Variants in FAM220A observed in about 807,000 individuals in gnomAD.
FAM220A encodes family with sequence similarity 220 member A, also known as protein FAM220A.
For synonymous variants in FAM220A, 141 were observed against 130.7 expected (o/e 1.08, Z -0.54); for missense variants, 392 against 321.6 (o/e 1.22, Z -1.68).
chr7:6,332,465 C>A (rs1419825206), intron 1 of FAM220A, among the ~76,000 whole-genome samples: 5 of 152,124 alleles, frequency 3.3e-5, no homozygotes, highest in Admixed American at 2.0e-4. Context: ...CATATTAGTT[C>A]CCTTATTAAT....
rs951493592 is a variant in FAM220A at position 6,348,884 on chromosome 7, G to A, written c.-393C>T. The A allele has an allele frequency of 2.6e-6, 1 of 388,506 alleles. No homozygotes were observed. The allele number at this position is 388,506 out of a possible 1,614,324, so 24.1% of individuals were successfully genotyped here. A position where few individuals can be genotyped will look rare whatever the true frequency, so the allele number is the denominator to read the frequency against. On this transcript the variant is annotated 5_prime_UTR_variant, in exon 1 of 2. Transcript: ENST00000313324. ...GGCGGCTAGACCGGCGGGCGGGCGGGCCGCAGTGGAGCGGAGTCCGCACGT... is the reference window on the plus strand; with the variant it reads ...GGCGGCTAGACCGGCGGGCGGGCGGACCGCAGTGGAGCGGAGTCCGCACGT...
chr7:6,343,152 G>C (rs1781895231), intron 1 of FAM220A, among the ~76,000 whole-genome samples: 1 of 151,600 alleles, frequency 6.6e-6, no homozygotes, highest in Admixed American at 6.6e-5. Flanking sequence ...CGAGGAGGGT[G>C]GATCCCCTGA....
chr7:6,341,205 G>T (rs1583240392), intron 1 of FAM220A, among the ~76,000 whole-genome samples: 1 of 151,162 alleles, frequency 6.6e-6, no homozygotes, highest in East Asian at 2.0e-4. Flanking sequence ...AGCACTTTGG[G>T]AGGCCAAGGA....
intron 1 of FAM220A, among the ~76,000 whole-genome samples, chr7:6,344,513 T>A (rs1583241949): frequency 6.6e-6 from 1 of 151,984 alleles, no homozygotes; most frequent in East Asian, 1.9e-4. Context: ...TCCTCGACCT[T>A]CTGGCCTCAA....
chr7:6,348,621 G>A lies in FAM220A; in HGVS notation c.-130C>T, dbSNP rs762868263. On this transcript the variant is annotated 5_prime_UTR_variant, in exon 1 of 2. Coordinates refer to ENST00000313324, the MANE Select transcript of FAM220A (RefSeq NM_001037163.2). ...TGGAAGCCACGATGTAGAGGTAGGG[G>A]AAGTTGATACGCAGCCGCCAGGCCA... 19 of 494,838 alleles carry A rather than the reference G, an allele frequency of 3.8e-5. No homozygotes were observed. Among genetic ancestry groups the A allele is most frequent in the Non-Finnish European group, 6.2e-5 (17 of 274,808 alleles). 30.7% of individuals were successfully genotyped at this position (494,838 alleles called of 1,614,324 possible). A position where few individuals can be genotyped will look rare whatever the true frequency, so the allele number is the denominator to read the frequency against.
intron 1 of FAM220A, among the ~76,000 whole-genome samples, chr7:6,340,211 T>C (rs1339154746): frequency 6.6e-6 from 1 of 152,140 alleles, no homozygotes; most frequent in Non-Finnish European, 1.5e-5. Flanking sequence ...GAAGATTCGA[T>C]GTATGAGAAG....
intron 1 of FAM220A, among the ~76,000 whole-genome samples, chr7:6,343,397 CATATAT>C (rs10529573): frequency 0.071 from 6,059 of 85,520 alleles, 244 homozygotes; most frequent in Middle Eastern, 0.1. Flanking sequence ...ATAATAATTT[CATATAT>C]ATATATATAT....
At chr7:6,334,559 C>T (rs2115132210) in intron 1 of FAM220A, among the ~76,000 whole-genome samples, 1 of 152,100 alleles carries the variant, frequency 6.6e-6, no homozygotes, top group South Asian at 2.1e-4. Context: ...ACTCTGCCTC[C>T]TGGGTTCAAC....
At chr7:6,338,447 G>C (rs1044206771) in intron 1 of FAM220A, among the ~76,000 whole-genome samples, 1 of 152,162 alleles carries the variant, frequency 6.6e-6, no homozygotes, top group African/African-American at 2.4e-5. Flanking sequence ...ATGATGGAAG[G>C]AGTCTTCAAG....
chr7:6,348,675 C>A lies in FAM220A; in HGVS notation c.-184G>T. 2.0e-6 allele frequency: 1 copy of A among 493,320 alleles called. No individual in the cohort carries two copies. The allele number at this position is 493,320 out of a possible 1,614,324, so 30.6% of individuals were successfully genotyped here. ...CGAAGAAGATGAGCAGCGTGCGAGT[C>A]AGCCCCTTGCAGAAGACCCCATAGG... On this transcript the variant is annotated 5_prime_UTR_variant, in exon 1 of 2. The change abolishes the stop of an existing upstream ORF in the 5' untranslated region. Coordinates refer to ENST00000313324, the MANE Select transcript of FAM220A (RefSeq NM_001037163.2).
chr7:6,348,625 T>G lies in FAM220A; in HGVS notation c.-134A>C, dbSNP rs115596447. 4.0e-6 allele frequency: 2 copies of G among 499,272 alleles called. No individual in the cohort carries two copies. Among genetic ancestry groups the G allele is most frequent in the South Asian group, 3.1e-5 (1 of 31,972 alleles). The allele number at this position is 499,272 out of a possible 1,614,324, so 30.9% of individuals were successfully genotyped here. A position where few individuals can be genotyped will look rare whatever the true frequency, so the allele number is the denominator to read the frequency against. On this transcript the variant is annotated 5_prime_UTR_variant, in exon 1 of 2. Coordinates refer to ENST00000313324, the MANE Select transcript of FAM220A (RefSeq NM_001037163.2). ...AGCCACGATGTAGAGGTAGGGGAAG[T>G]TGATACGCAGCCGCCAGGCCAGGTC...
At chr7:6,340,285 C>T (rs11505569) in intron 1 of FAM220A, among the ~76,000 whole-genome samples, 65,633 of 151,956 alleles carry the variant, frequency 0.43, 15,178 homozygotes, top group East Asian at 0.88. Flanking sequence ...CAGCTGCTGT[C>T]GATCAGAATC....
chr7:6,346,567 G>C (rs758156094), intron 1 of FAM220A, among the ~76,000 whole-genome samples: 1 of 152,118 alleles, frequency 6.6e-6, no homozygotes, highest in Admixed American at 6.6e-5. Context: ...TTTTAGTAGA[G>C]ACAGGGTTTC....
At chr7:6,335,531 C>A (rs1478300758) in intron 1 of FAM220A, among the ~76,000 whole-genome samples, 2 of 113,290 alleles carry the variant, frequency 1.8e-5, no homozygotes, top group African/African-American at 8.0e-5. Flanking sequence ...CCCAGCCTAG[C>A]CGTTAATATG....
chr7:6,341,538 A>T (rs1006758261), intron 1 of FAM220A, among the ~76,000 whole-genome samples: 7 of 150,744 alleles, frequency 4.6e-5, no homozygotes, highest in East Asian at 3.9e-4. Flanking sequence ...AATTTTTTTT[A>T]AATTAGCCAG....
At chr7:6,343,617 TA>T (rs915615697) in intron 1 of FAM220A, among the ~76,000 whole-genome samples, 2 of 151,790 alleles carry the variant, frequency 1.3e-5, no homozygotes, top group African/African-American at 4.8e-5. Flanking sequence ...AGATTCTGTA[TA>T]AATAAGAAGG....
intron 1 of FAM220A, among the ~76,000 whole-genome samples, chr7:6,344,559 T>C (rs189202898): frequency 5.1e-4 from 78 of 151,814 alleles, no homozygotes; most frequent in African/African-American, 1.8e-3. Flanking sequence ...GCTGGGACTA[T>C]AGGCATGCAC....
rs1330251045 is a variant in FAM220A at position 6,330,894 on chromosome 7, T to G, written c.261A>C (p.Arg87Ser). 1 of 1,614,194 alleles carries G rather than the reference T, an allele frequency of 6.2e-7. No homozygotes were observed. Among genetic ancestry groups the G allele is most frequent in the East Asian group, 2.2e-5 (1 of 44,888 alleles). Residue 87 changes from arginine to serine, a missense_variant, in exon 2 of 2, where the codon AGA becomes AGC. By Grantham distance (110) the Arg-to-Ser change is moderately radical (BLOSUM62 -1). Coordinates refer to ENST00000313324, the MANE Select transcript of FAM220A (RefSeq NM_001037163.2). The stretch of plus-strand genomic sequence containing the variant: ...AGGCTGGATTTCTTCTTACTGATTC[T>G]CTCACATATGGAAGCACTGGGCCGC... ...HSGGPVLPYV[R>S]ESVRRNPASA...
chr7:6,341,161 CT>C (rs1781849522), intron 1 of FAM220A, among the ~76,000 whole-genome samples: 1 of 143,194 alleles, frequency 7.0e-6, no homozygotes, highest in African/African-American at 2.6e-5. Flanking sequence ...AAAATGAGTG[CT>C]GGCCAGGCAC....
Sources: allele counts gnomAD v4.1 joint callset (sites outside exome capture counted in the v4.1 genomes callset), GRCh38; gene constraint gnomAD v4.1.1; transcripts MANE v1.5; gene names NCBI Gene and HGNC (gene_info 2026-07-23, HGNC 2026-07-21).